CDH9: variants seen among roughly 807,000 people sequenced by gnomAD.
The protein encoded by CDH9 is cadherin-9.
CDH9 carries 28 observed loss-of-function variants against 70.9 expected under a neutral mutation model. The observed-to-expected ratio is 0.40, with a 90% CI of 0.29 to 0.54. CDH9 has a LOEUF of 0.54. Among genes scored for constraint, CDH9 ranks in the 20% least tolerant of loss-of-function variants. The probability of loss-of-function intolerance (pLI) is 0.59; values close to 1 mark genes in which losing one functional copy is unlikely to be tolerated. For synonymous variants in CDH9, 409 were observed against 343.1 expected, an observed-to-expected ratio of 1.19 and a Z score of -2.12; for missense variants, 874 against 984.4, an observed-to-expected ratio of 0.89 and a Z score of 1.50.
chr5:26,928,790 T>A (rs896908933), intron 2 of CDH9, among the ~76,000 whole-genome samples: 1 of 152,018 alleles, frequency 6.6e-6, no homozygotes, highest in Non-Finnish European at 1.5e-5. Flanking sequence ...GATAGCCATA[T>A]AAAGAAGAAT....
intron 1 of CDH9, among the ~76,000 whole-genome samples, chr5:26,997,524 T>C (rs980126394): frequency 6.6e-6 from 1 of 152,070 alleles, no homozygotes; most frequent in Non-Finnish European, 1.5e-5. Flanking sequence ...TAATATTGTA[T>C]ATATTTTAAC....
At chr5:26,947,576 A>G (rs1385952456) in intron 2 of CDH9, among the ~76,000 whole-genome samples, 1 of 152,220 alleles carries the variant, frequency 6.6e-6, no homozygotes, top group Non-Finnish European at 1.5e-5. Flanking sequence ...AGTCAAAAAC[A>G]CTTTCATCAT....
At chr5:26,932,381 C>A (rs78028436) in intron 2 of CDH9, among the ~76,000 whole-genome samples, 14,549 of 151,574 alleles carry the variant, frequency 0.096, 875 homozygotes, top group East Asian at 0.17. Context: ...ATTTTTCATA[C>A]GAGCCCCAGT....
At chr5:27,014,403 G>A (rs1318717806) in intron 1 of CDH9, among the ~76,000 whole-genome samples, 1 of 152,032 alleles carries the variant, frequency 6.6e-6, no homozygotes, top group East Asian at 1.9e-4. Flanking sequence ...CTATAGCTGT[G>A]TTCCTAGGGA....
chr5:26,958,959 C>A (rs1419201495), intron 2 of CDH9, among the ~76,000 whole-genome samples: 1 of 152,030 alleles, frequency 6.6e-6, no homozygotes, highest in East Asian at 1.9e-4. Context: ...GCAATATATT[C>A]TTAGTATGAT....
At chr5:27,024,074 A>C (rs1455720290) in intron 1 of CDH9, among the ~76,000 whole-genome samples, 1 of 151,812 alleles carries the variant, frequency 6.6e-6, no homozygotes, top group Non-Finnish European at 1.5e-5. Context: ...ATAAATAAAT[A>C]AATAATAAAA....
At chr5:26,899,526 C>T (rs1405129131) in intron 7 of CDH9, among the ~76,000 whole-genome samples, 7 of 152,102 alleles carry the variant, frequency 4.6e-5, no homozygotes, top group African/African-American at 2.4e-5. Context: ...TGGAAATCAT[C>T]ATTCTCAACA....
chr5:26,912,284 T>C (rs1183130857), intron 3 of CDH9, among the ~76,000 whole-genome samples: 1 of 152,044 alleles, frequency 6.6e-6, no homozygotes, highest in East Asian at 1.9e-4. Context: ...AGTTCCTAAA[T>C]ATTACTTGTT....
At chr5:26,948,869 G>A (rs1013024756) in intron 2 of CDH9, among the ~76,000 whole-genome samples, 2 of 152,160 alleles carry the variant, frequency 1.3e-5, no homozygotes, top group African/African-American at 4.8e-5. Context: ...GACAGACGGT[G>A]CAATCTTCAC....
chr5:27,034,595 A>G (rs1214918508), intron 1 of CDH9, among the ~76,000 whole-genome samples: 6 of 151,526 alleles, frequency 4.0e-5, no homozygotes, highest in Non-Finnish European at 8.8e-5. Flanking sequence ...ACACACACAC[A>G]CGCACACAGA....
chr5:26,966,601 A>G (rs1742133820), intron 2 of CDH9, among the ~76,000 whole-genome samples: 1 of 152,174 alleles, frequency 6.6e-6, no homozygotes, highest in Admixed American at 6.5e-5. Context: ...TACTCCTTAG[A>G]GATTTCTTCA....
At chr5:26,885,906 T>A in intron 10 of CDH9, 41 bp from the exon 11 acceptor site, 1 of 1,605,892 alleles carries the variant, frequency 6.2e-7, no homozygotes, top group Non-Finnish European at 8.5e-7. Context: ...ACTTTCATAT[T>A]TGTTTTTAAC....
At chr5:26,884,234 T>C (rs1740522618) in intron 11 of CDH9, among the ~76,000 whole-genome samples, 2 of 152,160 alleles carry the variant, frequency 1.3e-5, no homozygotes, top group African/African-American at 2.4e-5. Context: ...TCAAATTAAT[T>C]TGACAATGTT....
chr5:26,974,158 C>T (rs1408000261), intron 2 of CDH9, among the ~76,000 whole-genome samples: 3 of 152,190 alleles, frequency 2.0e-5, no homozygotes, highest in African/African-American at 4.8e-5. Flanking sequence ...ACTAGAGAAT[C>T]GCTTGAACCT....
intron 2 of CDH9, among the ~76,000 whole-genome samples, chr5:26,968,675 A>G (rs894508349): frequency 1.3e-5 from 2 of 152,198 alleles, no homozygotes; most frequent in African/African-American, 4.8e-5. Context: ...TATGAGAAGC[A>G]TGGTATGATA....
intron 1 of CDH9, among the ~76,000 whole-genome samples, chr5:27,030,355 T>A (rs1743291196): frequency 6.6e-6 from 1 of 151,826 alleles, no homozygotes; most frequent in Non-Finnish European, 1.5e-5. Flanking sequence ...CCACTTTTTT[T>A]TTAGCAATTA....
At chr5:26,923,812 T>A (rs1448312322) in intron 2 of CDH9, among the ~76,000 whole-genome samples, 2 of 152,032 alleles carry the variant, frequency 1.3e-5, no homozygotes, top group African/African-American at 4.8e-5. Context: ...TCCACAATGA[T>A]AAGTGGGTCA....
intron 1 of CDH9, among the ~76,000 whole-genome samples, chr5:27,000,031 A>C (rs997422551): frequency 6.6e-6 from 1 of 152,150 alleles, no homozygotes; most frequent in African/African-American, 2.4e-5. Flanking sequence ...AAAAATGATA[A>C]CATGGATTCT....
intron 2 of CDH9, among the ~76,000 whole-genome samples, chr5:26,947,416 T>C (rs1741773035): frequency 6.6e-6 from 1 of 152,174 alleles, no homozygotes; most frequent in Non-Finnish European, 1.5e-5. Context: ...TGTTCAATGA[T>C]GTTAGAATAT....
Sources: allele counts gnomAD v4.1 joint callset (sites outside exome capture counted in the v4.1 genomes callset), GRCh38; gene constraint gnomAD v4.1.1; transcripts MANE v1.5; gene names NCBI Gene and HGNC (gene_info 2026-07-23, HGNC 2026-07-21).